CFAP299: variants seen among roughly 807,000 people sequenced by gnomAD.
The protein encoded by CFAP299 is cilia and flagella associated protein 299, also known as cilia- and flagella-associated protein 299.
A neutral mutation model predicts 27.0 loss-of-function variants in CFAP299; 21 were observed. The ratio of observed to expected loss-of-function variants is 0.78; its 90% CI spans 0.55 to 1.12. The LOEUF (loss-of-function observed/expected upper bound fraction) is 1.12. Ranked by LOEUF, CFAP299 falls within the 50% of genes most tolerant of loss-of-function variation. The probability of loss-of-function intolerance (pLI) is 0.00; values close to 1 mark genes in which losing one functional copy is unlikely to be tolerated. For missense variants in CFAP299, 310 were observed against 276.6 expected (o/e 1.12, Z -0.86); for synonymous variants, 104 against 98.1 (o/e 1.06, Z -0.36).
At chr4:80,697,055 T>C (rs1721142121) in intron 3 of CFAP299, among the ~76,000 whole-genome samples, 1 of 151,952 alleles carries the variant, frequency 6.6e-6, no homozygotes, top group African/African-American at 2.4e-5. Flanking sequence ...TTCTTAAGAG[T>C]TATTTCTGCT....
At chr4:80,521,805 T>C (rs1270866267) in intron 2 of CFAP299, among the ~76,000 whole-genome samples, 1 of 151,616 alleles carries the variant, frequency 6.6e-6, no homozygotes, top group Non-Finnish European at 1.5e-5. Context: ...TTTTTTTTTG[T>C]AAGTTCAAAT....
At chr4:80,464,709 G>A (rs1481699158) in intron 2 of CFAP299, among the ~76,000 whole-genome samples, 2 of 151,882 alleles carry the variant, frequency 1.3e-5, no homozygotes, top group Non-Finnish European at 2.9e-5. Context: ...TCTGTGAGTT[G>A]GACCAAATGA....
At chr4:80,909,647 A>T (rs1002317180) in intron 4 of CFAP299, among the ~76,000 whole-genome samples, 1 of 152,010 alleles carries the variant, frequency 6.6e-6, no homozygotes, top group Admixed American at 6.6e-5. Context: ...AGTTTTCTTC[A>T]TAATGACTTC....
At chr4:80,420,527 TTG>T (rs1284641881) in intron 2 of CFAP299, among the ~76,000 whole-genome samples, 1 of 152,230 alleles carries the variant, frequency 6.6e-6, no homozygotes, top group Non-Finnish European at 1.5e-5. Flanking sequence ...ATTAGTGATG[TTG>T]AGTTTATTTT....
At chr4:80,921,881 A>T (rs1736063571) in intron 4 of CFAP299, among the ~76,000 whole-genome samples, 1 of 151,896 alleles carries the variant, frequency 6.6e-6, no homozygotes, top group Admixed American at 6.6e-5. Context: ...ATGAATGAAA[A>T]TGGGATATGA....
At chr4:80,935,135 G>C (rs1255376421) in intron 4 of CFAP299, among the ~76,000 whole-genome samples, 5 of 151,890 alleles carry the variant, frequency 3.3e-5, no homozygotes, top group Admixed American at 3.3e-4. Flanking sequence ...CCTGTTGGTT[G>C]GTTAGGAACG....
intron 2 of CFAP299, among the ~76,000 whole-genome samples, chr4:80,541,435 G>A (rs1231493052): frequency 6.6e-6 from 1 of 152,074 alleles, no homozygotes; most frequent in Non-Finnish European, 1.5e-5. Flanking sequence ...AAGAACCTTA[G>A]GATATTTTTG....
At chr4:80,527,770 C>CT (rs1335258303) in intron 2 of CFAP299, among the ~76,000 whole-genome samples, 3 of 151,850 alleles carry the variant, frequency 2.0e-5, no homozygotes, top group Admixed American at 6.6e-5. Flanking sequence ...CTTATAATTG[C>CT]TTTTTTTCAA....
At chr4:80,446,228 T>C (rs1426840759) in intron 2 of CFAP299, among the ~76,000 whole-genome samples, 1 of 152,130 alleles carries the variant, frequency 6.6e-6, no homozygotes, top group Non-Finnish European at 1.5e-5. Context: ...TCCATATTTG[T>C]GTGTGTAGAG....
intron 2 of CFAP299, among the ~76,000 whole-genome samples, chr4:80,384,268 A>G (rs1370738689): frequency 2.0e-5 from 3 of 152,214 alleles, no homozygotes; most frequent in Non-Finnish European, 4.4e-5. Context: ...AACGTAAAGG[A>G]TGATTGGTAG....
chr4:80,800,385 AATATATTAATATAATATATAT>A (rs1728396787), intron 3 of CFAP299, among the ~76,000 whole-genome samples: 1 of 58,670 alleles, frequency 1.7e-5, no homozygotes, highest in African/African-American at 9.4e-5. Context: ...TATAATATAT[AATATATTAATATAATATATAT>A]TGATATATTA....
chr4:80,439,446 T>G (rs1168298289), intron 2 of CFAP299, among the ~76,000 whole-genome samples: 3 of 152,140 alleles, frequency 2.0e-5, no homozygotes, highest in African/African-American at 7.2e-5. Flanking sequence ...GCTCAAGGGC[T>G]CGGGGAACTC....
At chr4:80,502,630 T>A (rs1731800235) in intron 2 of CFAP299, among the ~76,000 whole-genome samples, 1 of 152,142 alleles carries the variant, frequency 6.6e-6, no homozygotes, top group Non-Finnish European at 1.5e-5. Context: ...GCCTACCATG[T>A]GAACACCTCT....
chr4:80,822,048 G>T (rs982236932), intron 3 of CFAP299, among the ~76,000 whole-genome samples: 2 of 152,130 alleles, frequency 1.3e-5, no homozygotes, highest in African/African-American at 2.4e-5. Context: ...TCATCCCCTT[G>T]TATCCCAAGC....
At chr4:80,792,444 A>T (rs1490437373) in intron 3 of CFAP299, among the ~76,000 whole-genome samples, 1 of 152,262 alleles carries the variant, frequency 6.6e-6, no homozygotes, top group African/African-American at 2.4e-5. Context: ...AGTGAAAAAC[A>T]TTAAATTAAC....
chr4:80,761,345 T>C (rs1177345132), intron 3 of CFAP299, among the ~76,000 whole-genome samples: 2 of 152,140 alleles, frequency 1.3e-5, no homozygotes, highest in Non-Finnish European at 2.9e-5. Context: ...TTTGTTTTCA[T>C]ACAAAGAGAA....
intron 2 of CFAP299, among the ~76,000 whole-genome samples, chr4:80,557,166 A>T (rs1734822286): frequency 6.6e-6 from 1 of 152,064 alleles, no homozygotes; most frequent in Non-Finnish European, 1.5e-5. Flanking sequence ...TCCTTTCTAT[A>T]TTAATGTTTA....
intron 2 of CFAP299, among the ~76,000 whole-genome samples, chr4:80,404,334 G>T (rs764653886): frequency 4.6e-5 from 7 of 152,092 alleles, no homozygotes; most frequent in African/African-American, 7.2e-5. Flanking sequence ...GCAGAGTTCA[G>T]TGGTGTTAAT....
chr4:80,835,021 T>G (rs1342336226), intron 3 of CFAP299, among the ~76,000 whole-genome samples: 1 of 152,320 alleles, frequency 6.6e-6, no homozygotes, highest in Non-Finnish European at 1.5e-5. Context: ...ACTTACTCTT[T>G]ACTTTCCTTC....
Sources: gnomAD v4.1 joint callset for allele counts (sites outside exome capture counted in the v4.1 genomes callset) on GRCh38, gnomAD v4.1.1 for gene constraint, MANE v1.5 for transcripts, NCBI Gene and HGNC (gene_info 2026-07-23, HGNC 2026-07-21) for gene names.